IKZF1: variants seen among roughly 807,000 people sequenced by gnomAD.
IKZF1 encodes the protein DNA-binding protein Ikaros.
Under a neutral mutation model 51.7 loss-of-function variants are expected in IKZF1, and 10 were observed. The observed-to-expected ratio is 0.19, with a 90% CI of 0.12 to 0.33. The LOEUF (loss-of-function observed/expected upper bound fraction) is 0.33, where lower values mean the gene tolerates loss of function less well. Among genes scored for constraint, IKZF1 ranks in the 10% least tolerant of loss-of-function variants. IKZF1 has a pLI of 1.00. For synonymous variants in IKZF1, 280 were observed against 282.3 expected (o/e 0.99, Z 0.08); for missense variants, 484 against 707.5 (o/e 0.68, Z 3.58).
At chr7:50,371,866 G>A (rs1043367793) in intron 3 of IKZF1, among the ~76,000 whole-genome samples, 2 of 152,324 alleles carry the variant, frequency 1.3e-5, no homozygotes, top group South Asian at 2.1e-4. Context: ...ACTACAGGAC[G>A]CTGTCACCCC....
chr7:50,359,619 CTG>C (rs1362530240), intron 3 of IKZF1, among the ~76,000 whole-genome samples: 1 of 152,254 alleles, frequency 6.6e-6, no homozygotes, highest in African/African-American at 2.4e-5. Flanking sequence ...AGGGCGATCT[CTG>C]TGTGTCATTT....
At chr7:50,311,123 G>A (rs748907629) in intron 1 of IKZF1, among the ~76,000 whole-genome samples, 8 of 152,104 alleles carry the variant, frequency 5.3e-5, no homozygotes, top group Non-Finnish European at 2.9e-5. Context: ...TCAGTCCCTT[G>A]GGGAAAATTT....
intron 1 of IKZF1, among the ~76,000 whole-genome samples, chr7:50,310,008 G>C (rs1303017915): frequency 2.6e-5 from 4 of 152,128 alleles, no homozygotes; most frequent in African/African-American, 4.8e-5. Context: ...GCTGAGTTTT[G>C]CGTAGGGCAG....
chr7:50,383,440 G>A (rs75679153), intron 5 of IKZF1, among the ~76,000 whole-genome samples: 10,650 of 152,244 alleles, frequency 0.07, 517 homozygotes, highest in South Asian at 0.094. Context: ...CCTGAGAAAT[G>A]GTCCTGGGTG....
At chr7:50,337,977 G>A (rs1798175689) in intron 3 of IKZF1, among the ~76,000 whole-genome samples, 1 of 152,110 alleles carries the variant, frequency 6.6e-6, no homozygotes, top group Non-Finnish European at 1.5e-5. Context: ...ACTTCCTTCA[G>A]TACTTCCCAC....
chr7:50,332,469 C>A (rs1390246051), intron 3 of IKZF1, among the ~76,000 whole-genome samples: 1 of 152,004 alleles, frequency 6.6e-6, no homozygotes, highest in South Asian at 2.1e-4. Flanking sequence ...GCAGGGGAGG[C>A]GTTTGGGTGG....
chr7:50,306,736 A>C (rs947785191), intron 1 of IKZF1, among the ~76,000 whole-genome samples: 2 of 152,234 alleles, frequency 1.3e-5, no homozygotes, highest in Non-Finnish European at 2.9e-5. Flanking sequence ...ACTGCAGGCC[A>C]CTGTCTTCCT....
chr7:50,400,474 G>C lies in IKZF1; in HGVS notation c.1407G>C (p.Val469=). Residue 469 remains valine (V), a synonymous_variant, in exon 8 of 8, where the codon GTG becomes GTC. Transcript: ENST00000331340. This position sits in a 1 kb window ranked among gnomAD's most constrained non-coding sequence, Gnocchi z 5.4. ...TGTACAAGTGCGAACACTGCCGGGT[G>C]CTCTTCCTGGATCACGTCATGTACA... ...MKVYKCEHCR[V]LFLDHVMYTI... 2 of 1,614,064 alleles carry C rather than the reference G, an allele frequency of 1.2e-6. No individual in the cohort carries two copies. The highest frequency in any genetic ancestry group is 1.7e-6 in the Non-Finnish European group (2 of 1,179,934).
chr7:50,394,485 G>C (rs962330203), intron 7 of IKZF1: 1 of 233,254 alleles, frequency 4.3e-6, no homozygotes, highest in South Asian at 1.8e-4. Context: ...AGTTGAGAGA[G>C]CCCCATCCTT....
rs75358704 is a variant in IKZF1, at chr7:50,403,082, C to A, written c.*2455C>A. Reference sequence around the variant, plus strand: ...ACTGTAAATAGTGATTGCAGGAATTCTTTTCTAAACTGCTTTGCCCTTTCC... The same window carrying A: ...ACTGTAAATAGTGATTGCAGGAATTATTTTCTAAACTGCTTTGCCCTTTCC... On this transcript the variant is annotated 3_prime_UTR_variant, in exon 8 of 8. Transcript: ENST00000331340. 0.061 allele frequency: 13,518 copies of A among 222,894 alleles called. 603 individuals carry two copies. Among genetic ancestry groups the A allele is most frequent in the South Asian group, 0.091 (495 of 5,444 alleles). 13.8% of individuals were successfully genotyped at this position (222,894 alleles called of 1,614,324 possible).
chr7:50,393,650 A>T (rs1310756064), intron 7 of IKZF1, among the ~76,000 whole-genome samples: 1 of 152,228 alleles, frequency 6.6e-6, no homozygotes, highest in Non-Finnish European at 1.5e-5. Flanking sequence ...CCTTTGGACC[A>T]TGAGAACGAG....
intron 3 of IKZF1, chr7:50,368,509 T>TA (rs1267317832): frequency 3.4e-6 from 2 of 588,848 alleles, no homozygotes; most frequent in Non-Finnish European, 6.0e-6. Flanking sequence ...TCTGGAGTAT[T>TA]AATTTCAGAA....
Position 50,382,607 on chromosome 7 carries a change from C to T in IKZF1, c.489C>T (p.His163=). The change falls in exon 5 of 8, where the codon CAC becomes CAT. Residue 163 remains histidine, a synonymous_variant. Coordinates refer to ENST00000331340, the MANE Select transcript of IKZF1 (RefSeq NM_006060.6). ...SFTQKGNLLR[H]IKLHSGEKPF... is the part of the protein sequence containing the mutation. ...CCCAGAAGGGCAACCTGCTCCGGCA[C>T]ATCAAGCTGCATTCCGGGGAGAAGC... is the stretch of plus-strand genomic sequence containing the variant. 6.2e-7 allele frequency: 1 copy of T among 1,613,818 alleles called. No homozygotes were observed. Among genetic ancestry groups the T allele is most frequent in the East Asian group, 2.2e-5 (1 of 44,882 alleles).
At chr7:50,345,770 G>T (rs1157125808) in intron 3 of IKZF1, among the ~76,000 whole-genome samples, 2 of 152,172 alleles carry the variant, frequency 1.3e-5, no homozygotes, top group Non-Finnish European at 2.9e-5. Context: ...CTGGTTTGTG[G>T]CTCACGCCTG....
In IKZF1 at chr7:50,400,603, G is replaced by C; in HGVS notation, c.1536G>C (p.Gly512=). Residue 512 remains glycine, a synonymous_variant, in exon 8 of 8, where the codon GGG becomes GGC. Coordinates refer to ENST00000331340, the MANE Select transcript of IKZF1 (RefSeq NM_006060.6). This position sits in a 1 kb window ranked among gnomAD's most constrained non-coding sequence, Gnocchi z 5.4. ...RYEFSSHITR[G]EHRFHMS is the part of the protein sequence containing the mutation. ...AGTTCTCGTCGCACATAACGCGAGG[G>C]GAGCACCGCTTCCACATGAGCTAAA... The C allele has an allele frequency of 6.2e-7, 1 of 1,611,336 alleles. No homozygotes were observed. Among genetic ancestry groups the C allele is most frequent in the South Asian group, 1.1e-5 (1 of 91,082 alleles).
chr7:50,379,786 A>G (rs1269265947), intron 4 of IKZF1, among the ~76,000 whole-genome samples: 2 of 152,092 alleles, frequency 1.3e-5, no homozygotes, highest in Admixed American at 1.3e-4. Flanking sequence ...GTTCAAACAC[A>G]TTTTTTCACT....
chr7:50,363,153 T>C (rs1342830804), intron 3 of IKZF1, among the ~76,000 whole-genome samples: 5 of 151,974 alleles, frequency 3.3e-5, no homozygotes, highest in Admixed American at 6.6e-5. Flanking sequence ...GGGGAAAAGA[T>C]GGGATTTGGG....
chr7:50,338,151 C>T (rs978712160), intron 3 of IKZF1, among the ~76,000 whole-genome samples: 6 of 152,026 alleles, frequency 3.9e-5, no homozygotes, highest in Non-Finnish European at 7.4e-5. Context: ...CATTTTCAAC[C>T]ATGCTTGCAG....
intron 3 of IKZF1, among the ~76,000 whole-genome samples, chr7:50,352,355 C>T (rs1429752962): frequency 2.0e-5 from 3 of 152,134 alleles, no homozygotes; most frequent in Non-Finnish European, 4.4e-5. Flanking sequence ...AAGAAAGAAC[C>T]ATTTAATCAT....
Sources: allele counts gnomAD v4.1 joint callset (sites outside exome capture counted in the v4.1 genomes callset), GRCh38; gene constraint gnomAD v4.1.1; non-coding constraint Gnocchi (gnomAD v3.1); transcripts MANE v1.5; gene names NCBI Gene and HGNC (gene_info 2026-07-23, HGNC 2026-07-21).